The following FNIP1 variants were observed in gnomAD, a reference collection of about 807,000 sequenced individuals.
FNIP1 encodes folliculin interacting protein 1, also known as folliculin-interacting protein 1.
In FNIP1, 40 loss-of-function variants were observed where a neutral mutation model predicts 124.5. That is an observed-to-expected ratio of 0.32 (90% CI 0.25 to 0.42). FNIP1 has a LOEUF of 0.42. Ranked by LOEUF, FNIP1 falls within the 10% of genes least tolerant of loss-of-function variation. FNIP1 has a pLI of 1.00. For synonymous variants in FNIP1, 472 were observed against 470.6 expected (o/e 1.00, Z -0.04); for missense variants, 1,176 against 1,403.7 (o/e 0.84, Z 2.59).
chr5:131,656,621 G>A (rs775090022), intron 15 of FNIP1, among the ~76,000 whole-genome samples: 16 of 152,154 alleles, frequency 1.1e-4, no homozygotes, highest in Non-Finnish European at 1.9e-4. Context: ...AAGAGTTTTA[G>A]CTTAAAAAAT....
At chr5:131,660,477 G>A (rs183853195) in intron 15 of FNIP1, among the ~76,000 whole-genome samples, 4 of 152,154 alleles carry the variant, frequency 2.6e-5, no homozygotes, top group Non-Finnish European at 5.9e-5. Context: ...ATCCAGAAGC[G>A]ATTTGGCCCC....
chr5:131,725,672 T>C lies in FNIP1; in HGVS notation c.354+5232A>G, dbSNP rs547470230. 2.6e-5 allele frequency among the ~76,000 whole-genome samples: 4 copies of C among 152,300 alleles called. 1 individual carries two copies. The highest frequency in any genetic ancestry group is 2.6e-4 in the Admixed American group (4 of 15,294). ...AACAATTTGACTTCCTCTCTTCCTA[T>C]TTGAATACCCTTTATTTATTTCTCT... On this transcript the variant is annotated intron_variant, in intron 3 of 17. Transcript: ENST00000510461.
intron 15 of FNIP1, among the ~76,000 whole-genome samples, chr5:131,657,473 T>A (rs192197981): frequency 6.6e-6 from 1 of 152,018 alleles, no homozygotes; most frequent in South Asian, 2.1e-4. Flanking sequence ...AGCCTCTAGA[T>A]CAGGGTGCCA....
chr5:131,670,686 AG>A, intron 14 of FNIP1, 55 bp from the exon 15 acceptor site: 3 of 1,286,088 alleles, frequency 2.3e-6, no homozygotes, highest in Non-Finnish European at 3.1e-6. Context: ...ATATTTAACC[AG>A]TAAAAAAAAA....
At chr5:131,699,137 G>C in intron 10 of FNIP1, 135 bp from the exon 11 acceptor site, 1 of 555,210 alleles carries the variant, frequency 1.8e-6, no homozygotes, top group South Asian at 3.1e-5. Context: ...AATAAAGAAA[G>C]TAAATGCATT....
chr5:131,753,675 T>A (rs1415941839), intron 1 of FNIP1, among the ~76,000 whole-genome samples: 1 of 152,220 alleles, frequency 6.6e-6, no homozygotes, highest in Non-Finnish European at 1.5e-5. Flanking sequence ...TGTGGTTAAG[T>A]AGATGCATAT....
intron 1 of FNIP1, among the ~76,000 whole-genome samples, chr5:131,784,778 C>T (rs1034727407): frequency 2.7e-5 from 4 of 150,824 alleles, no homozygotes; most frequent in South Asian, 2.1e-4. Flanking sequence ...GCCATGACCA[C>T]GCCACTGCAC....
chr5:131,790,330 T>C (rs1255634836), intron 1 of FNIP1, among the ~76,000 whole-genome samples: 1 of 151,988 alleles, frequency 6.6e-6, no homozygotes, highest in Non-Finnish European at 1.5e-5. Context: ...AATAAAAAAT[T>C]AGCCAGCCAT....
chr5:131,754,202 AC>A, intron 1 of FNIP1, among the ~76,000 whole-genome samples: 1 of 152,302 alleles, frequency 6.6e-6, no homozygotes, highest in African/African-American at 2.4e-5. Flanking sequence ...GTATTCATTC[AC>A]TGACTTAAAA....
At chr5:131,757,811 G>T (rs905318984) in intron 1 of FNIP1, among the ~76,000 whole-genome samples, 1 of 152,164 alleles carries the variant, frequency 6.6e-6, no homozygotes, top group African/African-American at 2.4e-5. Context: ...ATCTGAATAA[G>T]ATAGGAATGT....
chr5:131,736,398 C>G (rs561608209), intron 2 of FNIP1, among the ~76,000 whole-genome samples: 1 of 152,184 alleles, frequency 6.6e-6, no homozygotes, highest in African/African-American at 2.4e-5. Context: ...TACTTATAGA[C>G]AAAACCCAGT....
At chr5:131,760,516 C>T (rs1771191780) in intron 1 of FNIP1, among the ~76,000 whole-genome samples, 1 of 152,106 alleles carries the variant, frequency 6.6e-6, no homozygotes, top group South Asian at 2.1e-4. Context: ...TTCCATTTGA[C>T]CATCCATATA....
In FNIP1 at chr5:131,643,031, C is replaced by T. The variant is rs569704487; in HGVS notation, c.*1654G>A. On this transcript the variant is annotated 3_prime_UTR_variant, in exon 18 of 18. Coordinates refer to ENST00000510461, the MANE Select transcript of FNIP1 (RefSeq NM_133372.3). Reference sequence around the variant, plus strand: ...GAAAATTAAGCCAAAGAAAATATATCCACAAACACTCCTTGGCAGCAAGTC... The same window carrying T: ...GAAAATTAAGCCAAAGAAAATATATTCACAAACACTCCTTGGCAGCAAGTC... 1 of 152,304 alleles carries T rather than the reference C, an allele frequency of 6.6e-6. No individual in the cohort carries two copies. The highest frequency in any genetic ancestry group is 2.1e-4 in the South Asian group (1 of 4,820). The allele number at this position is 152,304 out of a possible 1,614,324, so 9.4% of individuals were successfully genotyped here.
intron 1 of FNIP1, among the ~76,000 whole-genome samples, chr5:131,775,287 T>G (rs2149580094): frequency 6.6e-6 from 1 of 152,264 alleles, no homozygotes; most frequent in Admixed American, 6.5e-5. Flanking sequence ...AGTTATTTAT[T>G]GTGTATGCTA....
intron 15 of FNIP1, among the ~76,000 whole-genome samples, chr5:131,664,880 A>G (rs948830754): frequency 6.6e-6 from 1 of 150,500 alleles, no homozygotes; most frequent in Non-Finnish European, 1.5e-5. Context: ...ATATATAAGG[A>G]CTCAGCTATA....
intron 3 of FNIP1, among the ~76,000 whole-genome samples, chr5:131,724,050 T>C (rs1217477201): frequency 6.6e-6 from 1 of 152,222 alleles, no homozygotes. Flanking sequence ...CATCCTTTTT[T>C]ATGGCTGCAC....
chr5:131,751,682 T>C (rs1165869736), intron 1 of FNIP1, among the ~76,000 whole-genome samples: 1 of 152,092 alleles, frequency 6.6e-6, no homozygotes, highest in African/African-American at 2.4e-5. Flanking sequence ...CAATGGAGTA[T>C]TTGGCCATAA....
intron 6 of FNIP1, among the ~76,000 whole-genome samples, chr5:131,715,059 T>C (rs762707432): frequency 1.4e-4 from 21 of 152,224 alleles, no homozygotes; most frequent in Non-Finnish European, 2.9e-4. Flanking sequence ...TGCAAGTAAA[T>C]GTTGCTCATT....
At chr5:131,770,925 C>A (rs1045708444) in intron 1 of FNIP1, among the ~76,000 whole-genome samples, 10 of 152,158 alleles carry the variant, frequency 6.6e-5, no homozygotes, top group Admixed American at 3.9e-4. Flanking sequence ...AGAAACAATA[C>A]AAAGATATAA....
Sources: allele counts gnomAD v4.1 joint callset (sites outside exome capture counted in the v4.1 genomes callset), GRCh38; gene constraint gnomAD v4.1.1; transcripts MANE v1.5; gene names NCBI Gene and HGNC (gene_info 2026-07-23, HGNC 2026-07-21).